The following RFX3 variants were observed in gnomAD, a reference collection of about 807,000 sequenced individuals.
RFX3 encodes transcription factor RFX3.
RFX3 carries 14 observed loss-of-function variants against 98.6 expected under a neutral mutation model. The observed-to-expected ratio is 0.14, with a 90% CI of 0.09 to 0.22. RFX3 has a LOEUF of 0.22. Among genes scored for constraint, RFX3 ranks in the 10% least tolerant of loss-of-function variants. The pLI, the probability that RFX3 is intolerant of heterozygous loss-of-function variation, is 1.00. For missense variants in RFX3, 639 were observed against 926.9 expected (o/e 0.69, Z 4.03); for synonymous variants, 383 against 328.4 (o/e 1.17, Z -1.80).
At chr9:3,475,232 G>A (rs1849131332) in intron 1 of RFX3, among the ~76,000 whole-genome samples, 1 of 152,106 alleles carries the variant, frequency 6.6e-6, no homozygotes, top group Admixed American at 6.5e-5. Context: ...CAGCCCCACA[G>A]GGTCAGTGGG....
At chr9:3,413,480 A>G (rs1842638336) in intron 1 of RFX3, among the ~76,000 whole-genome samples, 1 of 152,116 alleles carries the variant, frequency 6.6e-6, no homozygotes, top group African/African-American at 2.4e-5. Context: ...TTTTATTTTT[A>G]AATGGCCCAC....
chr9:3,427,337 ATT>A (rs1238946668), intron 1 of RFX3, among the ~76,000 whole-genome samples: 2 of 142,696 alleles, frequency 1.4e-5, no homozygotes, highest in Non-Finnish European at 1.5e-5. Context: ...ATAAATATAT[ATT>A]GTATTACATA....
chr9:3,435,379 A>G (rs1272948748), intron 1 of RFX3, among the ~76,000 whole-genome samples: 1 of 144,000 alleles, frequency 6.9e-6, no homozygotes, highest in African/African-American at 2.8e-5. Context: ...ATCTTTTTGT[A>G]TATTTAGTTT....
intron 4 of RFX3, among the ~76,000 whole-genome samples, chr9:3,324,721 G>C (rs1403220636): frequency 2.0e-5 from 3 of 152,254 alleles, no homozygotes; most frequent in Middle Eastern, 3.4e-3. Flanking sequence ...CCAGCACTTT[G>C]GGAGGCTGAG....
At chr9:3,429,705 G>A (rs1844473538) in intron 1 of RFX3, among the ~76,000 whole-genome samples, 1 of 152,168 alleles carries the variant, frequency 6.6e-6, no homozygotes, top group Non-Finnish European at 1.5e-5. Context: ...AAAAGATAGT[G>A]ACTCAGTGGT....
At chr9:3,362,792 C>T (rs948857752) in intron 2 of RFX3, among the ~76,000 whole-genome samples, 3 of 152,126 alleles carry the variant, frequency 2.0e-5, no homozygotes, top group Non-Finnish European at 4.4e-5. Flanking sequence ...TAGATGCCTA[C>T]CATTTATTTC....
intron 1 of RFX3, among the ~76,000 whole-genome samples, chr9:3,400,428 C>G (rs993064629): frequency 3.3e-5 from 5 of 152,166 alleles, no homozygotes; most frequent in African/African-American, 1.2e-4. Context: ...AAAGCCTAGT[C>G]CTGCACAACC....
intron 3 of RFX3, among the ~76,000 whole-genome samples, chr9:3,345,173 A>C (rs1834319997): frequency 6.6e-6 from 1 of 152,130 alleles, no homozygotes; most frequent in Non-Finnish European, 1.5e-5. Context: ...GGTCCATGTC[A>C]CAAAGAAGGG....
At chr9:3,488,178 G>C (rs1587840785) in intron 1 of RFX3, among the ~76,000 whole-genome samples, 1 of 152,104 alleles carries the variant, frequency 6.6e-6, no homozygotes, top group East Asian at 1.9e-4. Flanking sequence ...AATTGAAAGA[G>C]AAAAAGAGGG....
intron 1 of RFX3, among the ~76,000 whole-genome samples, chr9:3,427,305 G>A (rs1844161594): frequency 7.4e-6 from 1 of 136,020 alleles, no homozygotes. Context: ...AATATATATT[G>A]TATTACATAA....
At chr9:3,245,740 T>G (rs1006348769) in intron 15 of RFX3, among the ~76,000 whole-genome samples, 2 of 152,186 alleles carry the variant, frequency 1.3e-5, no homozygotes, top group African/African-American at 4.8e-5. Flanking sequence ...CAATTGTTAT[T>G]GTCTTTGTGG....
At chr9:3,242,910 T>C (rs1387109138) in intron 15 of RFX3, among the ~76,000 whole-genome samples, 1 of 151,908 alleles carries the variant, frequency 6.6e-6, no homozygotes. Context: ...GACATAATAT[T>C]AAGTATAATT....
At chr9:3,275,446 C>T in intron 9 of RFX3, 54 bp downstream of exon 9, 2 of 984,082 alleles carry the variant, frequency 2.0e-6, no homozygotes, top group African/African-American at 3.2e-5. Flanking sequence ...TTTATATTAG[C>T]AAGTTATCTG....
intron 1 of RFX3, among the ~76,000 whole-genome samples, chr9:3,433,974 T>C (rs1458393522): frequency 6.6e-6 from 1 of 152,164 alleles, no homozygotes; most frequent in Non-Finnish European, 1.5e-5. Flanking sequence ...ACCAAGGCCA[T>C]AGTCTGCCAA....
chr9:3,470,804 G>C (rs1848710640), intron 1 of RFX3, among the ~76,000 whole-genome samples: 1 of 152,178 alleles, frequency 6.6e-6, no homozygotes, highest in South Asian at 2.1e-4. Context: ...ACTGACAAAA[G>C]TATTAGGAGG....
chr9:3,221,764 A>C lies in RFX3; in HGVS notation c.*3278T>G, dbSNP rs1817352437. 1 of 152,152 alleles carries C rather than the reference A, an allele frequency of 6.6e-6. No homozygotes were observed. Among genetic ancestry groups the C allele is most frequent in the Admixed American group, 6.6e-5 (1 of 15,266 alleles). The allele number at this position is 152,152 out of a possible 1,614,324, so 9.4% of individuals were successfully genotyped here. A position where few individuals can be genotyped will look rare whatever the true frequency, so the allele number is the denominator to read the frequency against. On this transcript the variant is annotated 3_prime_UTR_variant, in exon 17 of 17. Transcript: ENST00000617270. ...CTTTTGAGTATGATTTTCAAACTAT[A>C]TGTCAAGATCAAACTATACCCATGA...
intron 6 of RFX3, among the ~76,000 whole-genome samples, chr9:3,291,092 C>T (rs760687194): frequency 2.9e-4 from 44 of 152,164 alleles, no homozygotes; most frequent in Non-Finnish European, 5.9e-4. Flanking sequence ...GGGCTGGGTG[C>T]GGTGGCTCAC....
At chr9:3,304,998 A>T (rs1352996477) in intron 4 of RFX3, among the ~76,000 whole-genome samples, 1 of 151,990 alleles carries the variant, frequency 6.6e-6, no homozygotes, top group Non-Finnish European at 1.5e-5. Context: ...ATATATAAGA[A>T]CACCTACAAA....
At chr9:3,474,695 C>T (rs1004210307) in intron 1 of RFX3, among the ~76,000 whole-genome samples, 1 of 152,170 alleles carries the variant, frequency 6.6e-6, no homozygotes, top group Non-Finnish European at 1.5e-5. Context: ...TGCTTATTTG[C>T]CCAAACCACA....
Sources: gnomAD v4.1 joint callset for allele counts (sites outside exome capture counted in the v4.1 genomes callset) on GRCh38, gnomAD v4.1.1 for gene constraint, MANE v1.5 for transcripts, NCBI Gene and HGNC (gene_info 2026-07-23, HGNC 2026-07-21) for gene names.